CALCRL: variants seen among roughly 807,000 people sequenced by gnomAD.
CALCRL encodes the protein calcitonin receptor like receptor.
In CALCRL, 27 loss-of-function variants were observed where a neutral mutation model predicts 60.4. The ratio of observed to expected loss-of-function variants is 0.45; its 90% CI spans 0.33 to 0.62. CALCRL has a LOEUF of 0.62. CALCRL is among the 20% of genes least tolerant of loss of function. CALCRL has a pLI of 0.03. For missense variants in CALCRL, 424 were observed against 540.7 expected (o/e 0.78, Z 2.14); for synonymous variants, 190 against 182.6 (o/e 1.04, Z -0.33).
At chr2:187,376,406 T>C (rs1228679521) in intron 8 of CALCRL, among the ~76,000 whole-genome samples, 1 of 152,144 alleles carries the variant, frequency 6.6e-6, no homozygotes, top group Non-Finnish European at 1.5e-5. Flanking sequence ...CCGGATCAGT[T>C]GATATTTTCT....
At chr2:187,369,584 A>G (rs1011854922) in intron 8 of CALCRL, among the ~76,000 whole-genome samples, 1 of 152,216 alleles carries the variant, frequency 6.6e-6, no homozygotes, top group African/African-American at 2.4e-5. Flanking sequence ...TTTATAATCC[A>G]TCTAGTCACT....
At chr2:187,346,880 T>C (rs1686300459) in intron 14 of CALCRL, among the ~76,000 whole-genome samples, 1 of 151,738 alleles carries the variant, frequency 6.6e-6, no homozygotes, top group African/African-American at 2.4e-5. Context: ...GCAACCTTTG[T>C]TTCTGAGTGA....
intron 12 of CALCRL, among the ~76,000 whole-genome samples, chr2:187,353,725 C>T (rs1006874226): frequency 1.3e-5 from 2 of 151,838 alleles, no homozygotes; most frequent in Non-Finnish European, 2.9e-5. Context: ...CTAATATATT[C>T]CCTTCTTAAG....
rs1686127267 is a variant in CALCRL at position 187,342,514 on chromosome 2, A to T, written c.*3670T>A. Among the ~76,000 whole-genome samples, 1 of 151,674 alleles carries T rather than the reference A, an allele frequency of 6.6e-6. No individual in the cohort carries two copies. Among genetic ancestry groups the T allele is most frequent in the Admixed American group, 6.6e-5 (1 of 15,192 alleles). On this transcript the variant is annotated 3_prime_UTR_variant, in exon 15 of 15. Coordinates refer to ENST00000392370, the MANE Select transcript of CALCRL (RefSeq NM_005795.6). ...ATTAACACTCTCATGTACCTATCTCAACAATAGGCCAAACCTTATTAAACT... is the reference window on the plus strand; with the variant it reads ...ATTAACACTCTCATGTACCTATCTCTACAATAGGCCAAACCTTATTAAACT...
intron 9 of CALCRL, 61 bp downstream of exon 9, chr2:187,363,305 TGCATATATCA>T: frequency 6.9e-7 from 1 of 1,445,310 alleles, no homozygotes; most frequent in Non-Finnish European, 9.4e-7. Context: ...ATACACATTA[TGCATATATCA>T]GCCATGTTCC....
At chr2:187,431,001 A>T (rs184323703) in intron 1 of CALCRL, among the ~76,000 whole-genome samples, 1 of 152,254 alleles carries the variant, frequency 6.6e-6, no homozygotes, top group African/African-American at 2.4e-5. Context: ...GGACACATTC[A>T]AATTAATTTA....
chr2:187,411,912 C>T (rs978559050), intron 1 of CALCRL, among the ~76,000 whole-genome samples: 17 of 136,030 alleles, frequency 1.2e-4, no homozygotes, highest in Non-Finnish European at 2.3e-4. Context: ...AGGAGAATGG[C>T]GTGAACCTGG....
chr2:187,413,754 A>C (rs1431281966), intron 1 of CALCRL, among the ~76,000 whole-genome samples: 1 of 152,186 alleles, frequency 6.6e-6, no homozygotes, highest in Admixed American at 6.5e-5. Flanking sequence ...AATACCAGAG[A>C]GGGAAATCCA....
At chr2:187,364,107 G>A (rs1277458125) in intron 8 of CALCRL, among the ~76,000 whole-genome samples, 1 of 152,026 alleles carries the variant, frequency 6.6e-6, no homozygotes, top group Admixed American at 6.6e-5. Flanking sequence ...CCATATATAA[G>A]GTAAAAATAG....
intron 1 of CALCRL, among the ~76,000 whole-genome samples, chr2:187,444,652 G>T (rs891043705): frequency 6.6e-6 from 1 of 151,404 alleles, no homozygotes; most frequent in Non-Finnish European, 1.5e-5. Context: ...AATAATTCTA[G>T]TAACCTAGGA....
At chr2:187,392,877 A>C (rs1213179576) in intron 1 of CALCRL, among the ~76,000 whole-genome samples, 1 of 152,040 alleles carries the variant, frequency 6.6e-6, no homozygotes, top group Non-Finnish European at 1.5e-5. Flanking sequence ...CCTCCAATAA[A>C]GTATGAAAAA....
intron 4 of CALCRL, among the ~76,000 whole-genome samples, chr2:187,384,400 A>G (rs1405701591): frequency 1.3e-5 from 2 of 152,216 alleles, no homozygotes; most frequent in African/African-American, 4.8e-5. Flanking sequence ...TACTTGGAAC[A>G]CAGACTCTGA....
chr2:187,444,682 T>G (rs550966556), intron 1 of CALCRL, among the ~76,000 whole-genome samples: 1 of 151,668 alleles, frequency 6.6e-6, no homozygotes, highest in East Asian at 1.9e-4. Flanking sequence ...CCTAACTCAG[T>G]TCACAGGCAG....
intron 8 of CALCRL, among the ~76,000 whole-genome samples, chr2:187,374,456 G>A (rs1305109591): frequency 1.3e-5 from 2 of 152,042 alleles, no homozygotes; most frequent in South Asian, 2.1e-4. Flanking sequence ...GTAAAATTAG[G>A]TGTGAGACTA....
intron 1 of CALCRL, among the ~76,000 whole-genome samples, chr2:187,433,112 T>C (rs975890531): frequency 7.9e-5 from 12 of 152,112 alleles, no homozygotes; most frequent in Non-Finnish European, 1.5e-4. Flanking sequence ...CTAAAAGCTA[T>C]TTCAGAAAAA....
At chr2:187,352,052 A>C (rs533033809) in intron 13 of CALCRL, 62 bp downstream of exon 13, 1 of 1,550,604 alleles carries the variant, frequency 6.4e-7, no homozygotes, top group South Asian at 1.1e-5. Context: ...GGAGTAAACC[A>C]AAGCTATATG....
chr2:187,372,615 C>A (rs1447114278), intron 8 of CALCRL, among the ~76,000 whole-genome samples: 1 of 152,082 alleles, frequency 6.6e-6, no homozygotes, highest in Non-Finnish European at 1.5e-5. Context: ...TACCCTAAAT[C>A]AACTTTTTGT....
chr2:187,346,607 T>C (rs986094049), intron 14 of CALCRL, among the ~76,000 whole-genome samples: 5 of 151,938 alleles, frequency 3.3e-5, no homozygotes, highest in Non-Finnish European at 5.9e-5. Flanking sequence ...AATTACATTG[T>C]ACTTTACATT....
intron 9 of CALCRL, among the ~76,000 whole-genome samples, chr2:187,363,095 A>G (rs188355220): frequency 5.3e-5 from 8 of 152,268 alleles, no homozygotes; most frequent in Admixed American, 3.9e-4. Flanking sequence ...TAATTGAAGC[A>G]AAGAAATTAT....
Sources: gnomAD v4.1 joint callset for allele counts (sites outside exome capture counted in the v4.1 genomes callset) on GRCh38, gnomAD v4.1.1 for gene constraint, MANE v1.5 for transcripts, NCBI Gene and HGNC (gene_info 2026-07-23, HGNC 2026-07-21) for gene names.